Variants in LDB2 observed in about 807,000 individuals in gnomAD.
LDB2 encodes LIM domain binding 2, also known as LIM domain-binding protein 2.
Under a neutral mutation model 44.3 loss-of-function variants are expected in LDB2, and 12 were observed. That is an observed-to-expected ratio of 0.27 (90% CI 0.17 to 0.44). The LOEUF is 0.44. Among genes scored for constraint, LDB2 ranks in the 20% least tolerant of loss-of-function variants. The pLI, the probability that LDB2 is intolerant of heterozygous loss-of-function variation, is 1.00. For missense variants in LDB2, 344 were observed against 473.5 expected (o/e 0.73, Z 2.54); for synonymous variants, 164 against 174.8 (o/e 0.94, Z 0.49).
At chr4:16,671,240 C>T (rs982810970) in intron 2 of LDB2, among the ~76,000 whole-genome samples, 7 of 152,066 alleles carry the variant, frequency 4.6e-5, no homozygotes, top group Non-Finnish European at 7.4e-5. Flanking sequence ...ATGTGAGCAT[C>T]GTTCGTCAAG....
chr4:16,776,325 GA>G (rs1188757651), intron 1 of LDB2, among the ~76,000 whole-genome samples: 2 of 152,232 alleles, frequency 1.3e-5, no homozygotes, highest in African/African-American at 4.8e-5. Context: ...TTTACTGAGA[GA>G]ACCTGCCCAC....
intron 5 of LDB2, among the ~76,000 whole-genome samples, chr4:16,549,546 T>TC (rs1381578331): frequency 1.3e-5 from 2 of 152,220 alleles, no homozygotes; most frequent in African/African-American, 4.8e-5. Context: ...TGCAATAGTC[T>TC]CCTGACTGGC....
intron 1 of LDB2, among the ~76,000 whole-genome samples, chr4:16,884,654 C>T (rs915311011): frequency 2.0e-5 from 3 of 152,122 alleles, no homozygotes; most frequent in Non-Finnish European, 4.4e-5. Flanking sequence ...TTACTGTGTC[C>T]TCAGTAAGCT....
At chr4:16,766,474 G>GTGTATATATATACACACACATATA (rs1769277352) in intron 1 of LDB2, among the ~76,000 whole-genome samples, 1 of 120,978 alleles carries the variant, frequency 8.3e-6, no homozygotes, top group African/African-American at 3.7e-5. Flanking sequence ...ATATATGTGT[G>GTGTATATATATACACACACATATA]TGTGTGTGTG....
At chr4:16,659,005 A>G (rs1004491530) in intron 2 of LDB2, among the ~76,000 whole-genome samples, 1 of 152,208 alleles carries the variant, frequency 6.6e-6, no homozygotes, top group African/African-American at 2.4e-5. Flanking sequence ...AAATAAGCAA[A>G]CAAACAAAAT....
intron 2 of LDB2, among the ~76,000 whole-genome samples, chr4:16,656,711 A>G (rs140047679): frequency 6.6e-6 from 1 of 152,342 alleles, no homozygotes; most frequent in Non-Finnish European, 1.5e-5. Flanking sequence ...TAAACACATC[A>G]TGCCAATGTA....
intron 1 of LDB2, among the ~76,000 whole-genome samples, chr4:16,789,257 T>C (rs1441411019): frequency 6.6e-6 from 1 of 152,126 alleles, no homozygotes; most frequent in African/African-American, 2.4e-5. Context: ...GAAAATGGGG[T>C]TCTGCCTAAA....
At chr4:16,705,411 T>C (rs1337498643) in intron 2 of LDB2, among the ~76,000 whole-genome samples, 1 of 152,166 alleles carries the variant, frequency 6.6e-6, no homozygotes, top group Non-Finnish European at 1.5e-5. Flanking sequence ...GTGCCTGTTC[T>C]GAGCTGATGT....
At chr4:16,551,204 A>C (rs2152348319) in intron 5 of LDB2, among the ~76,000 whole-genome samples, 1 of 152,334 alleles carries the variant, frequency 6.6e-6, no homozygotes, top group African/African-American at 2.4e-5. Context: ...TTGAGGTTGT[A>C]ATGTGGTTAT....
intron 5 of LDB2, among the ~76,000 whole-genome samples, chr4:16,556,007 G>T (rs1271967715): frequency 6.6e-6 from 1 of 152,158 alleles, no homozygotes; most frequent in Non-Finnish European, 1.5e-5. Context: ...TGGCAGAGGA[G>T]TATTATGTTC....
intron 1 of LDB2, among the ~76,000 whole-genome samples, chr4:16,769,656 T>C (rs973685691): frequency 2.6e-5 from 4 of 152,094 alleles, no homozygotes. Flanking sequence ...GAATTTTTCT[T>C]CTCTAATTCT....
chr4:16,605,152 T>C (rs1723580903), intron 2 of LDB2, among the ~76,000 whole-genome samples: 1 of 152,194 alleles, frequency 6.6e-6, no homozygotes, highest in African/African-American at 2.4e-5. Flanking sequence ...AGTAGGATGA[T>C]CCCGGTTATG....
chr4:16,802,101 C>T (rs928636166), intron 1 of LDB2, among the ~76,000 whole-genome samples: 5 of 151,494 alleles, frequency 3.3e-5, no homozygotes, highest in African/African-American at 1.2e-4. Context: ...GGAAGGGCTC[C>T]AAGTGTCAGT....
intron 1 of LDB2, among the ~76,000 whole-genome samples, chr4:16,891,307 T>TTC (rs1338402745): frequency 1.1e-5 from 1 of 90,680 alleles, no homozygotes; most frequent in Non-Finnish European, 2.1e-5. Flanking sequence ...AAGTATTCTT[T>TTC]TTTTTTTTTT....
intron 1 of LDB2, 104 bp from the exon 2 acceptor site, chr4:16,759,364 T>C: frequency 1.2e-6 from 1 of 816,376 alleles, no homozygotes; most frequent in South Asian, 1.5e-5. Flanking sequence ...CCTTGCTCAT[T>C]ACTTCGCGTA....
intron 1 of LDB2, among the ~76,000 whole-genome samples, chr4:16,787,623 A>T (rs1373991894): frequency 6.6e-6 from 1 of 152,160 alleles, no homozygotes; most frequent in Non-Finnish European, 1.5e-5. Context: ...CAGAAAAAAA[A>T]GAGTGGGGGT....
rs144386092 is a variant in LDB2, at chr4:16,832,803, G to A, written c.132+65551C>T. On this transcript the variant is annotated intron_variant, in intron 1 of 7. Coordinates refer to ENST00000304523, the MANE Select transcript of LDB2 (RefSeq NM_001290.5). ...AGTACCACCAGTACTACTGATACCT[G>A]GGGAAATAGGACACTGGACACAGGA... Among the ~76,000 whole-genome samples, 196 of 152,318 alleles carry A rather than the reference G, an allele frequency of 1.3e-3. 1 individual carries two copies. Among genetic ancestry groups the A allele is most frequent in the African/African-American group, 3.8e-3 (156 of 41,562 alleles).
intron 1 of LDB2, among the ~76,000 whole-genome samples, chr4:16,775,843 C>CA (rs1261035910): frequency 6.6e-6 from 1 of 152,138 alleles, no homozygotes; most frequent in African/African-American, 2.4e-5. Context: ...AAGGACCTAT[C>CA]AGAGTGAGTT....
chr4:16,755,854 G>C (rs1025081028), intron 2 of LDB2, among the ~76,000 whole-genome samples: 3 of 152,122 alleles, frequency 2.0e-5, no homozygotes, highest in African/African-American at 4.8e-5. Flanking sequence ...AGTGGCCTTA[G>C]GGATGCACAG....
Sources: allele counts gnomAD v4.1 joint callset (sites outside exome capture counted in the v4.1 genomes callset), GRCh38; gene constraint gnomAD v4.1.1; transcripts MANE v1.5; gene names NCBI Gene and HGNC (gene_info 2026-07-23, HGNC 2026-07-21).